Variants in CUX1 observed in about 807,000 individuals in gnomAD.
The protein encoded by CUX1 is protein CASP.
Under a neutral mutation model 158.8 loss-of-function variants are expected in CUX1, and 31 were observed. The observed-to-expected ratio is 0.20, with a 90% CI of 0.15 to 0.26. The LOEUF is 0.26. Among genes scored for constraint, CUX1 ranks in the 10% least tolerant of loss-of-function variants. CUX1 has a pLI of 1.00. For synonymous variants in CUX1, 879 were observed against 862.1 expected (o/e 1.02, Z -0.34); for missense variants, 1,589 against 2,014.6 (o/e 0.79, Z 4.04).
At chr7:102,241,294 G>A (rs1354968655) in intron 23 of CUX1, among the ~76,000 whole-genome samples, 1 of 152,164 alleles carries the variant, frequency 6.6e-6, no homozygotes, top group Non-Finnish European at 1.5e-5. Context: ...ACTCTCTGCT[G>A]CTAGAAACCA....
chr7:102,094,857 G>A (rs1829015120), intron 4 of CUX1, among the ~76,000 whole-genome samples: 1 of 152,194 alleles, frequency 6.6e-6, no homozygotes, highest in South Asian at 2.1e-4. Context: ...TGAAGGTGGG[G>A]AAGAGGGGCA....
chr7:102,111,868 T>C, intron 7 of CUX1, 94 bp downstream of exon 7: 2 of 1,141,084 alleles, frequency 1.8e-6, no homozygotes, highest in South Asian at 2.6e-5. Flanking sequence ...CGCGGATACC[T>C]GTTGCTCTTC....
chr7:102,097,563 T>G, intron 5 of CUX1, 62 bp downstream of exon 5: 1 of 1,502,384 alleles, frequency 6.7e-7, no homozygotes, highest in Non-Finnish European at 8.9e-7. Context: ...CTTTTTATTT[T>G]AATTGGCTTT....
intron 2 of CUX1, among the ~76,000 whole-genome samples, chr7:102,024,149 C>T (rs1819717825): frequency 6.6e-6 from 1 of 152,246 alleles, no homozygotes; most frequent in Admixed American, 6.5e-5. Flanking sequence ...CTAAGGCACA[C>T]TGCCATTCAG....
At chr7:102,274,268 A>G (rs1554547093) in exon 16 of CUX1, 1 of 1,613,646 alleles carries the variant, frequency 6.2e-7, no homozygotes, top group Admixed American at 1.7e-5. Context: ...CCGCCTGGAG[A>G]AGATCCCAGA....
At chr7:101,938,494 T>A (rs1807221103) in intron 2 of CUX1, among the ~76,000 whole-genome samples, 1 of 152,212 alleles carries the variant, frequency 6.6e-6, no homozygotes, top group Non-Finnish European at 1.5e-5. Flanking sequence ...AGTTCTTCAC[T>A]GGGGGAAGAG....
At chr7:102,271,105 C>T (rs1791183500) in intron 14 of CUX1, among the ~76,000 whole-genome samples, 1 of 152,092 alleles carries the variant, frequency 6.6e-6, no homozygotes, top group Non-Finnish European at 1.5e-5. Flanking sequence ...TCTTGCCAGG[C>T]GCACACCTCC....
chr7:101,836,711 C>G (rs953720027), intron 1 of CUX1, among the ~76,000 whole-genome samples: 4 of 137,468 alleles, frequency 2.9e-5, no homozygotes, highest in Non-Finnish European at 6.3e-5. Flanking sequence ...AAAAAAGAAT[C>G]CTGGCTGTTC....
chr7:101,937,175 T>A (rs1264532650), intron 2 of CUX1, among the ~76,000 whole-genome samples: 1 of 152,184 alleles, frequency 6.6e-6, no homozygotes, highest in African/African-American at 2.4e-5. Flanking sequence ...GGGGAGTGTG[T>A]GCTGCGTGGC....
intron 3 of CUX1, among the ~76,000 whole-genome samples, chr7:102,057,797 A>G (rs761816956): frequency 6.6e-6 from 1 of 152,242 alleles, no homozygotes; most frequent in Non-Finnish European, 1.5e-5. Flanking sequence ...AATGACAACA[A>G]AGGATTTAGA....
At chr7:101,987,497 C>A (rs1814478114) in intron 2 of CUX1, among the ~76,000 whole-genome samples, 2 of 152,158 alleles carry the variant, frequency 1.3e-5, no homozygotes, top group Non-Finnish European at 2.9e-5. Context: ...TTTTGAATTT[C>A]TTTTTTATTC....
chr7:102,176,140 G>A (rs1792296544), intron 10 of CUX1, among the ~76,000 whole-genome samples: 1 of 152,244 alleles, frequency 6.6e-6, no homozygotes, highest in Non-Finnish European at 1.5e-5. Context: ...CAAAGAAGCA[G>A]GAAGGAGTAC....
chr7:101,974,957 G>A (rs1812455379), intron 2 of CUX1, among the ~76,000 whole-genome samples: 1 of 152,058 alleles, frequency 6.6e-6, no homozygotes, highest in Admixed American at 6.6e-5. Context: ...ATCAGAAATG[G>A]CCCACACCAG....
intron 4 of CUX1, among the ~76,000 whole-genome samples, chr7:102,087,033 T>C (rs536771127): frequency 6.6e-6 from 1 of 152,334 alleles, no homozygotes; most frequent in Admixed American, 6.5e-5. Context: ...TGTATCTTTA[T>C]GTTTAAGTTA....
intron 2 of CUX1, among the ~76,000 whole-genome samples, chr7:101,999,800 T>C (rs1816448255): frequency 6.6e-6 from 1 of 152,180 alleles, no homozygotes; most frequent in Admixed American, 6.5e-5. Context: ...TTTAAAAATA[T>C]ATAGGTTTTG....
At chr7:102,120,098 C>T (rs1375948989) in intron 8 of CUX1, among the ~76,000 whole-genome samples, 1 of 152,194 alleles carries the variant, frequency 6.6e-6, no homozygotes, top group African/African-American at 2.4e-5. Context: ...CCTCACTGCC[C>T]CAAGTTCCTG....
chr7:101,883,908 A>AT (rs1799969143), intron 1 of CUX1, among the ~76,000 whole-genome samples: 1 of 145,986 alleles, frequency 6.8e-6, no homozygotes, highest in African/African-American at 2.6e-5. Context: ...AATTATTATT[A>AT]TTTTTTATAA....
chr7:102,032,375 A>G (rs6958121), intron 3 of CUX1, among the ~76,000 whole-genome samples: 128,957 of 152,028 alleles, frequency 0.85, 55,049 homozygotes, highest in East Asian at 0.99. Flanking sequence ...CAGCCTGGTC[A>G]ATATAGTGAG....
chr7:102,202,126 G>A lies in CUX1; in HGVS notation c.2829G>A (p.Val943=), dbSNP rs372257618. The A allele has an allele frequency of 1.9e-6, 3 of 1,613,970 alleles. No individual in the cohort carries two copies. The highest frequency in any genetic ancestry group is 1.3e-5 in the African/African-American group (1 of 74,904). ...ACGAGGTCTACATGTACCAGGAGGTGGACACCATCGAGCTCACCCGGCAGG... is the reference window on the plus strand; with the variant it reads ...ACGAGGTCTACATGTACCAGGAGGTAGACACCATCGAGCTCACCCGGCAGG... ...EQYEVYMYQE[V]DTIELTRQVK... Residue 943 remains valine (V), a synonymous_variant, in exon 18 of 24, where the codon GTG becomes GTA. Coordinates refer to ENST00000292535, the MANE Select transcript of CUX1 (RefSeq NM_181552.4).
Sources: allele counts gnomAD v4.1 joint callset (sites outside exome capture counted in the v4.1 genomes callset), GRCh38; gene constraint gnomAD v4.1.1; transcripts MANE v1.5; gene names NCBI Gene and HGNC (gene_info 2026-07-23, HGNC 2026-07-21).